Variants in ZFPM2 observed in about 807,000 individuals in gnomAD.
ZFPM2 encodes the protein zinc finger protein, FOG family member 2.
ZFPM2 carries 20 observed loss-of-function variants against 98.6 expected under a neutral mutation model. The ratio of observed to expected loss-of-function variants is 0.20; its 90% CI spans 0.14 to 0.29. ZFPM2 has a LOEUF of 0.29. Ranked by LOEUF, ZFPM2 falls within the 10% of genes least tolerant of loss-of-function variation. The probability of loss-of-function intolerance (pLI) is 1.00; values close to 1 mark genes in which losing one functional copy is unlikely to be tolerated. For missense variants in ZFPM2, 1,310 were observed against 1,388.6 expected (o/e 0.94, Z 0.90); for synonymous variants, 518 against 502.7 (o/e 1.03, Z -0.41).
rs571326747 is a variant in ZFPM2 at position 105,444,045 on chromosome 8, G to A, written c.200-235G>A. Among the ~76,000 whole-genome samples the A allele has an allele frequency of 3.3e-5, 5 of 152,210 alleles. No individual in the cohort carries two copies. The South Asian group carries it at 1.0e-3, about 32-fold the overall frequency. ...TCCAAAGGAAAATTTACATGGAAAT[G>A]TTTTTATGTTTATAGTACTTAACTT... On this transcript the variant is annotated intron_variant, in intron 2 of 7. Coordinates refer to ENST00000407775, the MANE Select transcript of ZFPM2 (RefSeq NM_012082.4).
chr8:105,575,636 A>T (rs534449817), intron 4 of ZFPM2, among the ~76,000 whole-genome samples: 21 of 152,340 alleles, frequency 1.4e-4, no homozygotes, highest in African/African-American at 4.6e-4. Context: ...CATTTGCTCC[A>T]TAATCTGTGA....
Position 105,383,893 on chromosome 8 carries a change from T to G in ZFPM2, c.41-35251T>G, listed in dbSNP as rs544087902. On this transcript the variant is annotated intron_variant, in intron 1 of 7. Transcript: ENST00000407775. The stretch of plus-strand genomic sequence containing the variant: ...TTAAAAAATCTGCATAATGCTTATA[T>G]TGCTCTTGTCTTCAGTCTTTCCATT... Among the ~76,000 whole-genome samples the G allele has an allele frequency of 7.9e-5, 12 of 152,336 alleles. No individual in the cohort carries two copies. In the Middle Eastern group the frequency reaches 0.01, roughly 130 times the overall value.
chr8:105,581,189 T>C (rs2130742478), intron 4 of ZFPM2, among the ~76,000 whole-genome samples: 1 of 152,228 alleles, frequency 6.6e-6, no homozygotes, highest in Non-Finnish European at 1.5e-5. Flanking sequence ...TGTTAATGAG[T>C]TTAAAAAAGG....
intron 3 of ZFPM2, among the ~76,000 whole-genome samples, chr8:105,510,964 G>A (rs1009848276): frequency 2.6e-5 from 4 of 152,114 alleles, no homozygotes; most frequent in African/African-American, 9.7e-5. Context: ...AGAGTGCTTG[G>A]GTATCTGTGG....
intron 3 of ZFPM2, among the ~76,000 whole-genome samples, chr8:105,554,963 G>C (rs1303894186): frequency 6.6e-6 from 1 of 152,020 alleles, no homozygotes; most frequent in Non-Finnish European, 1.5e-5. Flanking sequence ...ATATTTGAGG[G>C]TGTCTCTGGT....
chr8:105,341,415 A>T (rs1404309241), intron 1 of ZFPM2, among the ~76,000 whole-genome samples: 1 of 151,846 alleles, frequency 6.6e-6, no homozygotes, highest in Non-Finnish European at 1.5e-5. Flanking sequence ...TATATGTAAT[A>T]TTAACAATGT....
intron 1 of ZFPM2, among the ~76,000 whole-genome samples, chr8:105,375,960 C>A (rs1161298253): frequency 6.6e-6 from 1 of 152,048 alleles, no homozygotes; most frequent in African/African-American, 2.4e-5. Context: ...CCCCATATAC[C>A]ACCCCACTTC....
intron 1 of ZFPM2, among the ~76,000 whole-genome samples, chr8:105,331,894 C>A (rs1283797325): frequency 6.6e-6 from 1 of 151,628 alleles, no homozygotes. Context: ...AAAGTCAAGT[C>A]ATATCACTTC....
At chr8:105,545,464 G>T (rs1021759193) in intron 3 of ZFPM2, among the ~76,000 whole-genome samples, 17 of 152,018 alleles carry the variant, frequency 1.1e-4, no homozygotes, top group African/African-American at 4.1e-4. Flanking sequence ...TATTCAAAGT[G>T]TTCTATTGAG....
At chr8:105,464,571 CGGA>C (rs140736276) in intron 3 of ZFPM2, among the ~76,000 whole-genome samples, 73 of 151,962 alleles carry the variant, frequency 4.8e-4, no homozygotes, top group Middle Eastern at 3.4e-3. Flanking sequence ...ATGAGACCAG[CGGA>C]GAAGACAAAC....
At chr8:105,608,744 A>C (rs919467365) in intron 4 of ZFPM2, among the ~76,000 whole-genome samples, 23 of 152,106 alleles carry the variant, frequency 1.5e-4, no homozygotes, top group Non-Finnish European at 2.8e-4. Flanking sequence ...AAATATCCTT[A>C]AAGGAACGCA....
intron 3 of ZFPM2, among the ~76,000 whole-genome samples, chr8:105,555,153 G>A (rs930754859): frequency 2.0e-5 from 3 of 151,628 alleles, no homozygotes; most frequent in African/African-American, 7.3e-5. Flanking sequence ...GCATTATCAA[G>A]AAGATAAGAG....
Position 105,801,753 on chromosome 8 carries a change from C to G in ZFPM2, c.1671C>G (p.Phe557Leu), listed in dbSNP as rs1286021718. ...GATCFECNIT[F>L]NNLDNYLVHK... ...CTTGTTTTGAGTGTAACATAACATT[C>G]AATAATTTGGATAATTATCTAGTGC... is the stretch of plus-strand genomic sequence containing the variant. Residue 557 changes from phenylalanine (F) to leucine (L), a missense_variant, in exon 8 of 8, where the codon TTC becomes TTG. Transcript: ENST00000407775. 6.2e-7 allele frequency: 1 copy of G among 1,613,894 alleles called. No homozygotes were observed. The highest frequency in any genetic ancestry group is 8.5e-7 in the Non-Finnish European group (1 of 1,179,856).
chr8:105,355,501 T>G (rs1303882110), intron 1 of ZFPM2, among the ~76,000 whole-genome samples: 1 of 152,246 alleles, frequency 6.6e-6, no homozygotes, highest in African/African-American at 2.4e-5. Context: ...GCTGTGTACC[T>G]TAACATTTTA....
At chr8:105,800,791 T>C (rs7826040) in intron 7 of ZFPM2, among the ~76,000 whole-genome samples, 6,064 of 152,222 alleles carry the variant, frequency 0.04, 366 homozygotes, top group African/African-American at 0.12. Context: ...TTTCCTCATC[T>C]ATAAAATGGA....
At chr8:105,672,735 A>C (rs897364328) in intron 5 of ZFPM2, among the ~76,000 whole-genome samples, 2 of 152,186 alleles carry the variant, frequency 1.3e-5, no homozygotes, top group African/African-American at 4.8e-5. Context: ...ATCACATTTC[A>C]AATAAAGTAT....
chr8:105,657,417 G>T (rs1166675560), intron 5 of ZFPM2, among the ~76,000 whole-genome samples: 1 of 152,124 alleles, frequency 6.6e-6, no homozygotes, highest in Non-Finnish European at 1.5e-5. Flanking sequence ...GGGATTACGG[G>T]AGTGAGCCAT....
intron 1 of ZFPM2, among the ~76,000 whole-genome samples, chr8:105,402,134 T>C (rs552123929): frequency 5.6e-4 from 86 of 152,230 alleles, no homozygotes; most frequent in African/African-American, 1.9e-3. Flanking sequence ...TTAAATCTTA[T>C]GTGATGCCAG....
At chr8:105,750,012 C>G (rs867355381) in intron 5 of ZFPM2, among the ~76,000 whole-genome samples, 31 of 151,714 alleles carry the variant, frequency 2.0e-4, no homozygotes, top group Non-Finnish European at 1.8e-4. Flanking sequence ...AAACAAAGAA[C>G]GAAAAAATTG....
Sources: gnomAD v4.1 joint callset for allele counts (sites outside exome capture counted in the v4.1 genomes callset) on GRCh38, gnomAD v4.1.1 for gene constraint, MANE v1.5 for transcripts, NCBI Gene and HGNC (gene_info 2026-07-23, HGNC 2026-07-21) for gene names.